Variants in MTA3 observed in about 807,000 individuals in gnomAD.
MTA3 encodes the protein metastasis associated 1 family member 3.
In MTA3, 34 loss-of-function variants were observed where a neutral mutation model predicts 83.5. That is an observed-to-expected ratio of 0.41 (90% CI 0.31 to 0.54). The LOEUF is 0.54. Ranked by LOEUF, MTA3 falls within the 20% of genes least tolerant of loss-of-function variation. The pLI is 0.33. For synonymous variants in MTA3, 303 were observed against 252.7 expected (o/e 1.20, Z -1.89); for missense variants, 761 against 726.4 (o/e 1.05, Z -0.55).
At chr2:42,550,523 G>C (rs949103502) in intron 2 of MTA3, among the ~76,000 whole-genome samples, 1 of 152,162 alleles carries the variant, frequency 6.6e-6, no homozygotes, top group African/African-American at 2.4e-5. Flanking sequence ...AGGAGGTCAG[G>C]TTGTGGAAAT....
At chr2:42,548,814 T>TATATATATATAATATATATATATA (rs1676885457) in intron 2 of MTA3, among the ~76,000 whole-genome samples, 5 of 33,704 alleles carry the variant, frequency 1.5e-4, no homozygotes, top group Non-Finnish European at 2.5e-4. Context: ...AAAAAAAATA[T>TATATATATATAATATATATATATA]ATATATATAT....
chr2:42,565,438 G>A (rs1677868765), upstream of MTA3, among the ~76,000 whole-genome samples: 1 of 151,746 alleles, frequency 6.6e-6, no homozygotes, highest in Non-Finnish European at 1.5e-5. Context: ...AAAATGCTGG[G>A]ATTACAGGCG....
At chr2:42,535,381 T>C (rs1326601330) in intron 2 of MTA3, among the ~76,000 whole-genome samples, 2 of 151,704 alleles carry the variant, frequency 1.3e-5, no homozygotes, top group African/African-American at 2.4e-5. Flanking sequence ...AGCAAGACTT[T>C]GTCAAAAAAA....
intron 16 of MTA3, among the ~76,000 whole-genome samples, chr2:42,740,265 C>G (rs1004323992): frequency 2.6e-5 from 4 of 152,178 alleles, no homozygotes; most frequent in African/African-American, 9.7e-5. Flanking sequence ...AGTCCCAGCA[C>G]TTTGGGAGGC....
intron 3 of MTA3, among the ~76,000 whole-genome samples, chr2:42,584,277 C>G (rs1245540812): frequency 6.6e-6 from 1 of 152,136 alleles, no homozygotes; most frequent in Non-Finnish European, 1.5e-5. Flanking sequence ...TGTGATTCAT[C>G]TAGACCTCTA....
At chr2:42,668,977 C>T (rs1690539174) in intron 8 of MTA3, among the ~76,000 whole-genome samples, 1 of 152,196 alleles carries the variant, frequency 6.6e-6, no homozygotes, top group African/African-American at 2.4e-5. Flanking sequence ...AAATGCTAGC[C>T]ATCAATCACG....
upstream of MTA3, among the ~76,000 whole-genome samples, chr2:42,566,656 A>C (rs1426019029): frequency 1.3e-5 from 2 of 152,232 alleles, no homozygotes; most frequent in African/African-American, 4.8e-5. Flanking sequence ...CACAGTCATC[A>C]TAAACACCTG....
chr2:42,652,542 C>G (rs1404162305), intron 6 of MTA3, among the ~76,000 whole-genome samples: 1 of 152,104 alleles, frequency 6.6e-6, no homozygotes, highest in East Asian at 1.9e-4. Flanking sequence ...GAGTGGGTCT[C>G]CCTGTGTTGA....
In MTA3 at chr2:42,659,827, A is replaced by G. The variant is rs779967032; in HGVS notation, c.667A>G (p.Met223Val). ...TTCTGTGAGGCAGCCTAGTTTGCATATGAGTGCTGCTGCAGCTTCCCGAGA... is the reference window on the plus strand; with the variant it reads ...TTCTGTGAGGCAGCCTAGTTTGCATGTGAGTGCTGCTGCAGCTTCCCGAGA... ...SSSVRQPSLH[M>V]SAAAASRDIT... The change falls in exon 8 of 17, where the codon ATG becomes GTG. Residue 223 changes from methionine (M) to valine (V), a missense_variant. Coordinates refer to ENST00000405094, the MANE Select transcript of MTA3 (RefSeq NM_001330442.2). 3 of 1,607,956 alleles carry G rather than the reference A, an allele frequency of 1.9e-6. No homozygotes were observed. Among genetic ancestry groups the G allele is most frequent in the African/African-American group, 1.3e-5 (1 of 74,746 alleles).
chr2:42,704,128 A>G, intron 11 of MTA3, 66 bp from the exon 12 acceptor site: 1 of 1,500,374 alleles, frequency 6.7e-7, no homozygotes, highest in Non-Finnish European at 9.1e-7. Flanking sequence ...TAAATCAGTA[A>G]TGATATAGAG....
chr2:42,738,074 CA>C (rs1668737288), intron 16 of MTA3, among the ~76,000 whole-genome samples: 1 of 152,158 alleles, frequency 6.6e-6, no homozygotes, highest in Non-Finnish European at 1.5e-5. Context: ...TCAGCATTGG[CA>C]ACATGCTGAA....
intron 14 of MTA3, among the ~76,000 whole-genome samples, chr2:42,716,553 C>T (rs1358991081): frequency 6.6e-6 from 1 of 152,172 alleles, no homozygotes; most frequent in East Asian, 1.9e-4. Flanking sequence ...CATCATTTAG[C>T]TCCGACTCAT....
chr2:42,644,259 G>GT lies in MTA3; in HGVS notation c.499+16dup, dbSNP rs780349961. 3 of 1,549,846 alleles carry GT rather than the reference G, an allele frequency of 1.9e-6. No homozygotes were observed. In the South Asian group the frequency reaches 3.4e-5, roughly 18 times the overall value. On this transcript the variant is annotated intron_variant, in intron 6 of 16. Transcript: ENST00000405094. ...GCTGTTAGAAGGTACGTTTTTCTGC[G>GT]TGTTTGCAGTTTTGTGAAACAAATA...
At chr2:42,729,085 A>ATTTTTTTT (rs1668031575) in intron 16 of MTA3, among the ~76,000 whole-genome samples, 1 of 16,024 alleles carries the variant, frequency 6.2e-5, no homozygotes, top group Non-Finnish European at 1.2e-4. Flanking sequence ...TCACAGTTTG[A>ATTTTTTTT]GTTTTTTTTT....
In MTA3 at chr2:42,530,557, G is replaced by A. The variant is rs557276498; in HGVS notation, c.-141+35303G>A. Among the ~76,000 whole-genome samples the A allele has an allele frequency of 3.9e-5, 6 of 151,902 alleles. No individual in the cohort carries two copies. In the South Asian group the frequency reaches 1.2e-3, roughly 32 times the overall value. ...CCAACAATTTGGGAGGCCGAGGCGG[G>A]CAGATCACCTGAGGTCGGGAGTTTG... On this transcript the variant is annotated intron_variant, in intron 2 of 17. Coordinates refer to the MTA3 transcript ENST00000405592.
At chr2:42,564,598 A>C (rs1458536255), upstream of MTA3, among the ~76,000 whole-genome samples, 1 of 152,200 alleles carries the variant, frequency 6.6e-6, no homozygotes, top group African/African-American at 2.4e-5. Context: ...AAATAAGAGA[A>C]GAAGTTAATG....
In MTA3 at chr2:42,707,946, G is replaced by A; in HGVS notation, c.1194G>A (p.Met398Ile). 3 of 1,611,768 alleles carry A rather than the reference G, an allele frequency of 1.9e-6. No homozygotes were observed. The South Asian group carries it at 3.3e-5, about 18-fold the overall frequency. ...GGTATTCTTGGGGCCCACCTAATAT[G>A]CAGTGTAGATTATGTGCAATTTGTT... ...HQWYSWGPPNMQCRLCAICWL... is the reference protein window; with the variant it reads ...HQWYSWGPPNIQCRLCAICWL... The change falls in exon 13 of 17, where the codon ATG (methionine) becomes ATA (isoleucine). Residue 398 changes from methionine to isoleucine, a missense_variant. By Grantham distance (10) the Met-to-Ile change is conservative. Transcript: ENST00000405094.
At chr2:42,750,522 G>C (rs1459386071) in intron 16 of MTA3, among the ~76,000 whole-genome samples, 1 of 152,142 alleles carries the variant, frequency 6.6e-6, no homozygotes, top group East Asian at 1.9e-4. Flanking sequence ...GTTCACTGTA[G>C]GGTGATCAGG....
intron 14 of MTA3, among the ~76,000 whole-genome samples, chr2:42,714,867 C>T (rs746512455): frequency 1.3e-5 from 2 of 152,178 alleles, no homozygotes; most frequent in African/African-American, 2.4e-5. Flanking sequence ...TCTAATGCTG[C>T]CACTGACCTG....
Sources: allele counts gnomAD v4.1 joint callset (sites outside exome capture counted in the v4.1 genomes callset), GRCh38; gene constraint gnomAD v4.1.1; transcripts MANE v1.5; gene names NCBI Gene and HGNC (gene_info 2026-07-23, HGNC 2026-07-21).